CEP76: variants seen among roughly 807,000 people sequenced by gnomAD.
CEP76 encodes centrosomal protein 76, also known as centrosomal protein of 76 kDa.
A neutral mutation model predicts 83.3 loss-of-function variants in CEP76; 55 were observed. That is an observed-to-expected ratio of 0.66 (90% CI 0.53 to 0.83). The LOEUF is 0.83. CEP76 is among the 40% of genes least tolerant of loss of function. CEP76 has a pLI of 0.00. For synonymous variants in CEP76, 270 were observed against 274.5 expected, an observed-to-expected ratio of 0.98 and a Z score of 0.16; for missense variants, 694 against 799.5, an observed-to-expected ratio of 0.87 and a Z score of 1.59.
At chr18:12,677,458 C>CAAAAAA (rs71174127) in intron 10 of CEP76, among the ~76,000 whole-genome samples, 2 of 53,946 alleles carry the variant, frequency 3.7e-5, no homozygotes, top group South Asian at 1.2e-3. Context: ...GATTCCATCT[C>CAAAAAA]AAAAAAAAAA....
intron 7 of CEP76, among the ~76,000 whole-genome samples, chr18:12,687,528 G>A (rs189876074): frequency 4.7e-5 from 7 of 148,706 alleles, no homozygotes; most frequent in South Asian, 2.1e-4. Flanking sequence ...ATTTCGGCTC[G>A]CTGCAACCTC....
At chr18:12,701,873 G>C (rs2040165015) in intron 1 of CEP76, among the ~76,000 whole-genome samples, 1 of 152,212 alleles carries the variant, frequency 6.6e-6, no homozygotes, top group Admixed American at 6.5e-5. Flanking sequence ...GCTCACGCCT[G>C]TAATCCCAGC....
At chr18:12,674,472 C>T (rs1055889514) in intron 11 of CEP76, 64 bp downstream of exon 11, 30 of 1,179,670 alleles carry the variant, frequency 2.5e-5, no homozygotes, top group Admixed American at 4.6e-5. Flanking sequence ...ATTAAAAAAA[C>T]CCCTGCCGGA....
intron 8 of CEP76, among the ~76,000 whole-genome samples, chr18:12,683,665 C>T (rs1292689376): frequency 2.0e-5 from 3 of 149,684 alleles, no homozygotes; most frequent in Non-Finnish European, 4.4e-5. Flanking sequence ...GCAGGAGAAT[C>T]GCTTGAACCC....
intron 9 of CEP76, among the ~76,000 whole-genome samples, chr18:12,678,861 C>T (rs2039241599): frequency 6.6e-6 from 1 of 151,934 alleles, no homozygotes; most frequent in Non-Finnish European, 1.5e-5. Flanking sequence ...GAGGCTAAGC[C>T]AGGAGAATTG....
Position 12,673,359 on chromosome 18 carries a change from T to C in CEP76, c.*6A>G. On this transcript the variant is annotated 3_prime_UTR_variant, in exon 12 of 12. Transcript: ENST00000262127. ...CACAGGTATAAATCTTATATAAATA[T>C]TGGCCCTATAATACCGAGCGATATT... is the stretch of plus-strand genomic sequence containing the variant. 1 of 1,600,350 alleles carries C rather than the reference T, an allele frequency of 6.2e-7. No homozygotes were observed. Among genetic ancestry groups the C allele is most frequent in the Non-Finnish European group, 8.5e-7 (1 of 1,175,790 alleles).
chr18:12,662,510 T>C (rs1313333695), intron 12 of CEP76, among the ~76,000 whole-genome samples: 1 of 152,184 alleles, frequency 6.6e-6, no homozygotes, highest in African/African-American at 2.4e-5. Context: ...CCATGGGGGC[T>C]CACACCTGTA....
At chr18:12,700,005 G>C in intron 2 of CEP76, 100 bp from the exon 3 acceptor site, 1 of 608,544 alleles carries the variant, frequency 1.6e-6, no homozygotes, top group Non-Finnish European at 2.7e-6. Flanking sequence ...AAAGTCAACA[G>C]GGTAAGGCCC....
Position 12,673,335 on chromosome 18 carries a change from A to C in CEP76, c.*30T>G. 6.4e-7 allele frequency: 1 copy of C among 1,572,064 alleles called. No individual in the cohort carries two copies. Among genetic ancestry groups the C allele is most frequent in the South Asian group, 1.2e-5 (1 of 84,434 alleles). ...ACAATGTGTAAAATTCCAATTAAAC[A>C]CAGGTATAAATCTTATATAAATATT... On this transcript the variant is annotated 3_prime_UTR_variant, in exon 12 of 12. Coordinates refer to ENST00000262127, the MANE Select transcript of CEP76 (RefSeq NM_024899.4).
Position 12,680,822 on chromosome 18 carries a change from A to G in CEP76, c.1129T>C (p.Cys377Arg). Reference protein sequence around the residue: ...LAFLCRNKGDCEDHANLLCSL... With the variant: ...LAFLCRNKGDREDHANLLCSL... ...CACAGAAGGTTAGCGTGATCTTCAC[A>G]GTCACCCTGGAAGATAAATTAAAAT... The change falls in exon 9 of 12, where the codon TGT (cysteine) becomes CGT (arginine). Residue 377 changes from cysteine to arginine, a missense_variant. Transcript: ENST00000262127. 3 of 1,608,324 alleles carry G rather than the reference A, an allele frequency of 1.9e-6. No homozygotes were observed. Among genetic ancestry groups the G allele is most frequent in the Non-Finnish European group, 2.5e-6 (3 of 1,177,592 alleles).
intron 4 of CEP76, 200 bp downstream of exon 4, chr18:12,698,779 T>C (rs1042842593): frequency 3.9e-5 from 22 of 567,642 alleles, no homozygotes; most frequent in African/African-American, 2.6e-4. Context: ...AGTCAAAAAA[T>C]AATATCCAGG....
chr18:12,676,208 CCTTAA>C (rs1462723031), intron 10 of CEP76, among the ~76,000 whole-genome samples: 1 of 151,756 alleles, frequency 6.6e-6, no homozygotes, highest in Non-Finnish European at 1.5e-5. Flanking sequence ...TTTACAGGCA[CCTTAA>C]CTTAAATAGT....
At chr18:12,671,142 T>G (rs2038932516), downstream of CEP76, 1 of 150,844 alleles carries the variant, frequency 6.6e-6, no homozygotes, top group Non-Finnish European at 1.5e-5. Flanking sequence ...GGGGGGGGTC[T>G]CTCTATGCTC....
In CEP76 at chr18:12,674,685, A is replaced by T; in HGVS notation, c.1692T>A (p.Tyr564Ter). ...SYLLSPALAS[Y>*]EFERTTSISA... ...ATATACTTGTTGTACGCTCAAATTC[A>T]TAAGAAGCCAAAGCTGGTGATAAAA... The change falls in exon 11 of 12, where the codon TAT becomes TAA. Residue 564 changes from tyrosine to a stop codon, truncating the protein, a stop_gained. Transcript: ENST00000262127. LOFTEE classifies it high-confidence loss of function. 6.2e-7 allele frequency: 1 copy of T among 1,614,150 alleles called. No individual in the cohort carries two copies. The highest frequency in any genetic ancestry group is 8.5e-7 in the Non-Finnish European group (1 of 1,180,034).
intron 8 of CEP76, among the ~76,000 whole-genome samples, chr18:12,682,391 G>C (rs1249685323): frequency 6.6e-6 from 1 of 152,080 alleles, no homozygotes; most frequent in Non-Finnish European, 1.5e-5. Flanking sequence ...GTTTCACCAA[G>C]TTGCCCTGGC....
At chr18:12,676,564 T>G (rs2039144259) in intron 10 of CEP76, among the ~76,000 whole-genome samples, 1 of 152,084 alleles carries the variant, frequency 6.6e-6, no homozygotes, top group African/African-American at 2.4e-5. Flanking sequence ...CGTGAGACAC[T>G]GTGCCTGGCC....
intron 6 of CEP76, chr18:12,692,328 A>C (rs78657078): frequency 6.6e-6 from 1 of 151,940 alleles, no homozygotes; most frequent in Admixed American, 6.6e-5. Flanking sequence ...AAAAAAAAAA[A>C]ACATACTGTC....
intron 7 of CEP76, 80 bp downstream of exon 7, chr18:12,691,279 A>T (rs542307328): frequency 6.7e-6 from 6 of 897,922 alleles, no homozygotes; most frequent in Non-Finnish European, 9.7e-6. Flanking sequence ...CATTTTACAA[A>T]TAAATATTAA....
At chr18:12,694,708 C>CTTTTTTTTTTTTTTT (rs1397325257) in intron 6 of CEP76, among the ~76,000 whole-genome samples, 1 of 144,442 alleles carries the variant, frequency 6.9e-6, no homozygotes, top group Non-Finnish European at 1.5e-5. Flanking sequence ...TCCTGTAATT[C>CTTTTTTTTTTTTTTT]TTTTTTTTTT....
Sources: gnomAD v4.1 joint callset for allele counts (sites outside exome capture counted in the v4.1 genomes callset) on GRCh38, gnomAD v4.1.1 for gene constraint, MANE v1.5 for transcripts, NCBI Gene and HGNC (gene_info 2026-07-23, HGNC 2026-07-21) for gene names.